The following CNTNAP2 variants were observed in gnomAD, a reference collection of about 807,000 sequenced individuals.
CNTNAP2 encodes the protein contactin associated protein 2.
A neutral mutation model predicts 155.2 loss-of-function variants in CNTNAP2; 98 were observed. The ratio of observed to expected loss-of-function variants is 0.63; its 90% CI spans 0.54 to 0.75. CNTNAP2 has a LOEUF of 0.75. CNTNAP2 is among the 30% of genes least tolerant of loss of function. The pLI is 0.00. For missense variants in CNTNAP2, 1,727 were observed against 1,688.1 expected (o/e 1.02, Z -0.40); for synonymous variants, 651 against 631.2 (o/e 1.03, Z -0.47).
At chr7:146,511,347 C>T (rs924844007) in intron 1 of CNTNAP2, among the ~76,000 whole-genome samples, 2 of 152,164 alleles carry the variant, frequency 1.3e-5, no homozygotes, top group Non-Finnish European at 2.9e-5. Flanking sequence ...GTAGTGAAAG[C>T]GGTTAACCTT....
chr7:146,469,106 A>C (rs956063414), intron 1 of CNTNAP2, among the ~76,000 whole-genome samples: 1 of 152,246 alleles, frequency 6.6e-6, no homozygotes, highest in Admixed American at 6.5e-5. Flanking sequence ...TGCAGCATCC[A>C]GCTCCTCCTT....
At chr7:147,296,809 G>T (rs541723679) in intron 8 of CNTNAP2, among the ~76,000 whole-genome samples, 12 of 152,270 alleles carry the variant, frequency 7.9e-5, no homozygotes, top group African/African-American at 2.9e-4. Context: ...TAAGGAGATT[G>T]TTACTATGGG....
intron 8 of CNTNAP2, among the ~76,000 whole-genome samples, chr7:147,170,223 G>A (rs996786048): frequency 6.6e-6 from 1 of 152,068 alleles, no homozygotes; most frequent in Admixed American, 6.5e-5. Context: ...ATGGTTTTGT[G>A]GTGGTGTAGT....
intron 2 of CNTNAP2, among the ~76,000 whole-genome samples, chr7:146,829,411 CTT>C (rs1022939532): frequency 1.1e-4 from 17 of 151,978 alleles, no homozygotes; most frequent in African/African-American, 3.9e-4. Context: ...TATAAGGAAA[CTT>C]TTTGTTTTCT....
chr7:146,673,330 CATA>C lies in CNTNAP2; in HGVS notation c.98-100937_98-100935del, dbSNP rs201744025. Among the ~76,000 whole-genome samples the C allele has an allele frequency of 2.0e-4, 30 of 152,238 alleles. 1 individual carries two copies. In the East Asian group the frequency reaches 5.8e-3, roughly 29 times the overall value. On this transcript the variant is annotated intron_variant, in intron 1 of 23. Transcript: ENST00000361727. ...ATTTCAGTTTTAACTAAAGTTCACT[CATA>C]ATATGTCATACATAAAGAAACACTT...
intron 1 of CNTNAP2, among the ~76,000 whole-genome samples, chr7:146,665,788 A>AAAAAAAAAAAAAAAAAAAAC (rs1328734569): frequency 2.8e-5 from 4 of 142,104 alleles, no homozygotes; most frequent in Non-Finnish European, 4.5e-5. Context: ...CTCATTAAAA[A>AAAAAAAAAAAAAAAAAAAAC]AAAAAAAAAA....
At chr7:146,774,191 AT>A (rs1218245395) in intron 1 of CNTNAP2, 79 bp from the exon 2 acceptor site, 3 of 1,005,256 alleles carry the variant, frequency 3.0e-6, no homozygotes, top group African/African-American at 3.2e-5. Context: ...AGATTCAATG[AT>A]TTTTTAACCA....
At chr7:146,933,331 A>G (rs533571330) in intron 3 of CNTNAP2, among the ~76,000 whole-genome samples, 2 of 152,152 alleles carry the variant, frequency 1.3e-5, no homozygotes, top group South Asian at 2.1e-4. Flanking sequence ...AAAACAGGCA[A>G]TGGGGAAAGG....
At chr7:147,418,203 T>G (rs574352496) in intron 10 of CNTNAP2, among the ~76,000 whole-genome samples, 3 of 152,318 alleles carry the variant, frequency 2.0e-5, no homozygotes, top group Non-Finnish European at 4.4e-5. Flanking sequence ...AAAGATTCAT[T>G]GATGGAAAGT....
intron 8 of CNTNAP2, among the ~76,000 whole-genome samples, chr7:147,289,858 C>T (rs1805262417): frequency 1.3e-5 from 2 of 151,812 alleles, no homozygotes; most frequent in Admixed American, 1.3e-4. Context: ...ATTGGGTTTC[C>T]CATTGTTTGA....
chr7:146,470,934 G>C (rs1796789126), intron 1 of CNTNAP2, among the ~76,000 whole-genome samples: 1 of 151,994 alleles, frequency 6.6e-6, no homozygotes, highest in Admixed American at 6.6e-5. Context: ...CCAGATAAGA[G>C]TAAGCCTTAC....
chr7:146,449,124 T>C (rs888012311), intron 1 of CNTNAP2, among the ~76,000 whole-genome samples: 9 of 152,138 alleles, frequency 5.9e-5, no homozygotes, highest in Admixed American at 5.2e-4. Context: ...GTAGATCCTA[T>C]TGAGTTTTTT....
Position 146,487,909 on chromosome 7 carries a change from C to G in CNTNAP2, c.98-286362C>G, listed in dbSNP as rs565301787. Among the ~76,000 whole-genome samples the G allele has an allele frequency of 3.3e-5, 5 of 152,092 alleles. No homozygotes were observed. In the South Asian group the frequency reaches 8.3e-4, roughly 25 times the overall value. On this transcript the variant is annotated intron_variant, in intron 1 of 23. Coordinates refer to ENST00000361727, the MANE Select transcript of CNTNAP2 (RefSeq NM_014141.6). ...TGGAGAGACAGAGAGAGACCCAAAC[C>G]GATCTGTAAGGGACATTAAAGGTTA...
At chr7:146,297,132 A>C (rs1800527148) in intron 1 of CNTNAP2, among the ~76,000 whole-genome samples, 1 of 152,142 alleles carries the variant, frequency 6.6e-6, no homozygotes, top group South Asian at 2.1e-4. Context: ...GAATGATTGA[A>C]TATTATTTCC....
intron 21 of CNTNAP2, among the ~76,000 whole-genome samples, chr7:148,379,784 A>T (rs1730406): frequency 2.0e-5 from 3 of 151,718 alleles, no homozygotes; most frequent in African/African-American, 7.3e-5. Context: ...GAGCTCAAGC[A>T]TGTACACGAG....
intron 11 of CNTNAP2, among the ~76,000 whole-genome samples, chr7:147,508,995 TA>T (rs1264867790): frequency 2.0e-5 from 3 of 152,218 alleles, no homozygotes; most frequent in Non-Finnish European, 4.4e-5. Flanking sequence ...TTGAATAAAC[TA>T]ATCTCACAAA....
intron 1 of CNTNAP2, among the ~76,000 whole-genome samples, chr7:146,713,517 C>A (rs1801134402): frequency 6.6e-6 from 1 of 152,074 alleles, no homozygotes; most frequent in African/African-American, 2.4e-5. Flanking sequence ...ATTTTGTCTC[C>A]AGATTTCAGT....
chr7:147,096,891 T>C (rs774950176), intron 4 of CNTNAP2, among the ~76,000 whole-genome samples: 1 of 152,232 alleles, frequency 6.6e-6, no homozygotes, highest in Non-Finnish European at 1.5e-5. Flanking sequence ...TTTAGTGTTT[T>C]ACCAGACAGG....
At chr7:147,172,304 T>C (rs1186227183) in intron 8 of CNTNAP2, among the ~76,000 whole-genome samples, 3 of 152,186 alleles carry the variant, frequency 2.0e-5, no homozygotes, top group Non-Finnish European at 4.4e-5. Context: ...AAATGGGCAA[T>C]ATTTAACTTT....
Sources: gnomAD v4.1 joint callset for allele counts (sites outside exome capture counted in the v4.1 genomes callset) on GRCh38, gnomAD v4.1.1 for gene constraint, MANE v1.5 for transcripts, NCBI Gene and HGNC (gene_info 2026-07-23, HGNC 2026-07-21) for gene names.